The following STK33 variants were observed in gnomAD, a reference collection of about 807,000 sequenced individuals.
The protein encoded by STK33 is serine/threonine-protein kinase 33.
Under a neutral mutation model 58.0 loss-of-function variants are expected in STK33, and 52 were observed. The ratio of observed to expected loss-of-function variants is 0.90; its 90% confidence interval spans 0.72 to 1.13. The LOEUF is 1.13. Ranked by LOEUF, STK33 falls within the 50% of genes most tolerant of loss-of-function variation. The pLI, the probability that STK33 is intolerant of heterozygous loss-of-function variation, is 0.00. For synonymous variants in STK33, 215 were observed against 200.1 expected, an observed-to-expected ratio of 1.07 and a Z score of -0.63; for missense variants, 630 against 604.2, an observed-to-expected ratio of 1.04 and a Z score of -0.45.
intron 11 of STK33, among the ~76,000 whole-genome samples, chr11:8,446,432 G>A (rs11041925): frequency 0.058 from 8,869 of 152,042 alleles, 447 homozygotes; most frequent in East Asian, 0.27. Context: ...TTGAATGTTT[G>A]CTCTTTTTTC....
At chr11:8,449,808 T>C (rs1361462293) in intron 11 of STK33, among the ~76,000 whole-genome samples, 1 of 152,096 alleles carries the variant, frequency 6.6e-6, no homozygotes, top group East Asian at 1.9e-4. Context: ...AAAAAGCTCA[T>C]CATCACTGGT....
At chr11:8,336,208 G>A in the STK33 span, among the ~76,000 whole-genome samples, 444 of 152,302 alleles carry the variant, frequency 2.9e-3, 1 homozygote, top group Non-Finnish European at 4.2e-3. Context: ...CACCTGGCCC[G>A]GGCCTCTTGC....
intron 1 of STK33, among the ~76,000 whole-genome samples, chr11:8,566,285 G>A (rs1318860892): frequency 3.3e-5 from 5 of 152,130 alleles, no homozygotes; most frequent in East Asian, 1.9e-4. Flanking sequence ...TCTCCAAAAC[G>A]TGAGAGTTGA....
At chr11:8,436,302 T>C (rs1041815903) in intron 12 of STK33, among the ~76,000 whole-genome samples, 163 bp from the exon 13 acceptor site, 9 of 152,048 alleles carry the variant, frequency 5.9e-5, no homozygotes, top group Admixed American at 5.9e-4. Flanking sequence ...ACAACAGGGT[T>C]TTCCAAGATC....
the STK33 span, among the ~76,000 whole-genome samples, chr11:8,374,064 C>G: frequency 2.0e-5 from 3 of 152,260 alleles, no homozygotes; most frequent in Non-Finnish European, 4.4e-5. Flanking sequence ...GTCTTCCCAG[C>G]TCTCAGCTGA....
At chr11:8,361,038 T>A in the STK33 span, among the ~76,000 whole-genome samples, 2 of 152,210 alleles carry the variant, frequency 1.3e-5, no homozygotes, top group African/African-American at 4.8e-5. The surrounding 1 kb of genome is among the most constrained non-coding windows in gnomAD (Gnocchi z 4.8). Context: ...CCTTTACAAT[T>A]CTGCCTACCA....
At chr11:8,484,102 C>T (rs1156893341) in intron 1 of STK33, among the ~76,000 whole-genome samples, 1 of 152,126 alleles carries the variant, frequency 6.6e-6, no homozygotes, top group Non-Finnish European at 1.5e-5. Flanking sequence ...AATGTTTGTA[C>T]TCATGCTAAA....
At chr11:8,534,387 G>A (rs1303500255) in intron 1 of STK33, among the ~76,000 whole-genome samples, 2 of 151,982 alleles carry the variant, frequency 1.3e-5, no homozygotes, top group African/African-American at 4.8e-5. Context: ...CCAAAAATAG[G>A]AAGAACCACA....
chr11:8,526,311 G>C (rs975748948), intron 1 of STK33, among the ~76,000 whole-genome samples: 7 of 151,856 alleles, frequency 4.6e-5, no homozygotes, highest in Non-Finnish European at 1.0e-4. Flanking sequence ...AGAATCGCTT[G>C]AACCCAGGAG....
At chr11:8,474,201 C>T (rs527376435) in intron 5 of STK33, among the ~76,000 whole-genome samples, 1 of 151,854 alleles carries the variant, frequency 6.6e-6, no homozygotes, top group South Asian at 2.1e-4. Flanking sequence ...ATGAATACAT[C>T]GAAATCAGTA....
chr11:8,415,118 C>T (rs1940928255), intron 14 of STK33, among the ~76,000 whole-genome samples: 1 of 152,084 alleles, frequency 6.6e-6, no homozygotes, highest in Non-Finnish European at 1.5e-5. Flanking sequence ...TGACCTCTAA[C>T]TTAATTTTCA....
intron 1 of STK33, among the ~76,000 whole-genome samples, chr11:8,516,412 C>A (rs1952786721): frequency 6.6e-6 from 1 of 152,228 alleles, no homozygotes; most frequent in African/African-American, 2.4e-5. Context: ...CAGCTCCAGT[C>A]TGCAGCTCCC....
chr11:8,471,442 G>C (rs1248062122), intron 6 of STK33, among the ~76,000 whole-genome samples: 2 of 152,138 alleles, frequency 1.3e-5, no homozygotes, highest in African/African-American at 4.8e-5. Flanking sequence ...AGAAGTCCAT[G>C]ACATAGTGTA....
At chr11:8,508,046 A>G (rs1952003278) in intron 1 of STK33, among the ~76,000 whole-genome samples, 1 of 151,932 alleles carries the variant, frequency 6.6e-6, no homozygotes, top group African/African-American at 2.4e-5. Flanking sequence ...ACCCTCCATC[A>G]TGCCCAGCTA....
chr11:8,523,117 G>A (rs907679732), intron 1 of STK33, among the ~76,000 whole-genome samples: 5 of 152,220 alleles, frequency 3.3e-5, no homozygotes, highest in African/African-American at 7.2e-5. Context: ...AGGCTGGAGG[G>A]CAGTGGCGTG....
intron 2 of STK33, among the ~76,000 whole-genome samples, 101 bp downstream of exon 2, chr11:8,480,309 G>A (rs1949691653): frequency 6.6e-6 from 1 of 152,158 alleles, no homozygotes; most frequent in African/African-American, 2.4e-5. Flanking sequence ...GACGTATTGA[G>A]GTTCCTTCTA....
chr11:8,557,596 A>G (rs1465557176), intron 1 of STK33, among the ~76,000 whole-genome samples: 2 of 152,120 alleles, frequency 1.3e-5, no homozygotes, highest in Non-Finnish European at 2.9e-5. Flanking sequence ...CGGAACCTGG[A>G]CACAAGAAAG....
At chr11:8,548,334 A>G (rs1956085212) in intron 1 of STK33, among the ~76,000 whole-genome samples, 2 of 152,290 alleles carry the variant, frequency 1.3e-5, no homozygotes, top group South Asian at 2.1e-4. Flanking sequence ...ATGGATATAC[A>G]GTTTCCCCAG....
chr11:8,574,600 A>G (rs2141210301), intron 1 of STK33, among the ~76,000 whole-genome samples: 1 of 152,332 alleles, frequency 6.6e-6, no homozygotes, highest in Admixed American at 6.5e-5. Context: ...AAAATAAAAA[A>G]GGAACATTTC....
Sources: allele counts gnomAD v4.1 joint callset (sites outside exome capture counted in the v4.1 genomes callset), GRCh38; gene constraint gnomAD v4.1.1; non-coding constraint Gnocchi (gnomAD v3.1); transcripts MANE v1.5; gene names NCBI Gene and HGNC (gene_info 2026-07-23, HGNC 2026-07-21).